Variants in CUX2 observed in about 807,000 individuals in gnomAD.
The protein encoded by CUX2 is homeobox protein cut-like 2.
CUX2 carries 40 observed loss-of-function variants against 144.8 expected under a neutral mutation model. That is an observed-to-expected ratio of 0.28 (90% confidence interval 0.21 to 0.36). CUX2 has a LOEUF of 0.36. CUX2 is among the 10% of genes least tolerant of loss of function. The pLI is 1.00. For missense variants in CUX2, 1,615 were observed against 1,994.0 expected, an observed-to-expected ratio of 0.81 and a Z score of 3.62; for synonymous variants, 827 against 875.6, an observed-to-expected ratio of 0.94 and a Z score of 0.98.
At position 111,320,837 on chromosome 12, in the gene CUX2, G is replaced by A; in HGVS notation, c.2766+62G>A. ...GGAGAAGATGTCGGAGAAGTAGGAT[G>A]CCCACCCAAGCAGGCTGGCGGGACC... On this transcript the variant is annotated intron_variant, in intron 17 of 21. Transcript: ENST00000261726. The surrounding 1 kb of genome is among the most constrained non-coding windows in gnomAD (Gnocchi z 8.1). 7.1e-7 allele frequency: 1 copy of A among 1,405,670 alleles called. No individual in the cohort carries two copies. Among genetic ancestry groups the A allele is most frequent in the Non-Finnish European group, 9.2e-7 (1 of 1,082,506 alleles). The allele number at this position is 1,405,670 out of a possible 1,614,324, so 87.1% of individuals were successfully genotyped here.
rs1436424817 is a variant in CUX2 at position 111,277,974 on chromosome 12, T to C, written c.302-13444T>C. On this transcript the variant is annotated intron_variant, in intron 4 of 21. Transcript: ENST00000261726. The surrounding 1 kb of genome is among the most constrained non-coding windows in gnomAD (Gnocchi z 5.0). ...CTGCAGGGGAGAAGTCATTTCCTTG[T>C]CTTTTCCACCTTCTCGGGCTGGGGC... Among the ~76,000 whole-genome samples, 1 of 152,230 alleles carries C rather than the reference T, an allele frequency of 6.6e-6. No homozygotes were observed. The highest frequency in any genetic ancestry group is 1.5e-5 in the Non-Finnish European group (1 of 68,044).
chr12:111,223,145 G>T (rs1592853977), intron 3 of CUX2, among the ~76,000 whole-genome samples: 1 of 152,268 alleles, frequency 6.6e-6, no homozygotes, highest in Middle Eastern at 3.4e-3. Context: ...CTATGTCCCA[G>T]GCTCTGTGTG....
chr12:111,291,499 G>A lies in CUX2; in HGVS notation c.383G>A (p.Arg128Gln), dbSNP rs752021025. 10 of 1,611,398 alleles carry A rather than the reference G, an allele frequency of 6.2e-6. No homozygotes were observed. The highest frequency in any genetic ancestry group is 1.7e-5 in the Admixed American group (1 of 59,666). The change falls in exon 5 of 22, where the codon CGG becomes CAG. Residue 128 changes from arginine (R) to glutamine (Q), a missense_variant. This residue lies in a region of CUX2 where 295 missense variants were observed against 400.2 expected (regional missense o/e 0.74). Coordinates refer to ENST00000261726, the MANE Select transcript of CUX2 (RefSeq NM_015267.4). The stretch of plus-strand genomic sequence containing the variant: ...AGCTTTGACCCCAGTGGGCAGCCCC[G>A]GCGAGACCTCCACACTTCGTGGAAG... ...PPSFDPSGQPRRDLHTSWKRN... is the reference protein window; with the variant it reads ...PPSFDPSGQPQRDLHTSWKRN...
chr12:111,073,219 C>G (rs1871332837), intron 1 of CUX2, among the ~76,000 whole-genome samples: 1 of 152,092 alleles, frequency 6.6e-6, no homozygotes, highest in Admixed American at 6.5e-5. Context: ...ACCCTGTGCC[C>G]ACTTCTTACA....
At chr12:111,134,600 C>G (rs1442526268) in intron 1 of CUX2, among the ~76,000 whole-genome samples, 1 of 146,072 alleles carries the variant, frequency 6.8e-6, no homozygotes, top group African/African-American at 2.8e-5. Context: ...CTCTTTCTCT[C>G]TCTCTCTCTC....
At chr12:111,254,605 A>G (rs530635267) in intron 3 of CUX2, among the ~76,000 whole-genome samples, 32 of 152,208 alleles carry the variant, frequency 2.1e-4, no homozygotes, top group Non-Finnish European at 3.7e-4. Flanking sequence ...AATGCTCAAA[A>G]CGATTTAATG....
intron 1 of CUX2, among the ~76,000 whole-genome samples, chr12:111,185,378 G>A (rs1879463709): frequency 6.6e-6 from 1 of 152,198 alleles, no homozygotes; most frequent in African/African-American, 2.4e-5. Flanking sequence ...TTTACTGGAG[G>A]GGTGACCTTC....
chr12:111,282,455 C>T (rs1036487731), intron 4 of CUX2, among the ~76,000 whole-genome samples: 2 of 151,632 alleles, frequency 1.3e-5, no homozygotes, highest in Non-Finnish European at 2.9e-5. Flanking sequence ...GGTGAAACCC[C>T]GTCTCTCCTA....
rs564962940 is a variant in CUX2, at chr12:111,255,903, G to A, written c.223-7858G>A. ...TTTCACAGGGACTGTCAGAGTGAGT[G>A]GGAACCCTCAGGATAGTCTAGCCAG... On this transcript the variant is annotated intron_variant, in intron 3 of 21. Transcript: ENST00000261726. The surrounding 1 kb of genome is among the most constrained non-coding windows in gnomAD (Gnocchi z 4.1). Among the ~76,000 whole-genome samples the A allele has an allele frequency of 8.3e-4, 127 of 152,240 alleles. No individual in the cohort carries two copies. Among genetic ancestry groups the A allele is most frequent in the African/African-American group, 2.9e-3 (121 of 41,508 alleles).
At chr12:111,192,172 G>A (rs925513471) in intron 1 of CUX2, among the ~76,000 whole-genome samples, 1 of 152,052 alleles carries the variant, frequency 6.6e-6, no homozygotes, top group Admixed American at 6.5e-5. Context: ...AGTCACCTAG[G>A]TTGGAGTGCA....
chr12:111,198,003 T>C (rs1880346165), intron 1 of CUX2, among the ~76,000 whole-genome samples: 1 of 152,242 alleles, frequency 6.6e-6, no homozygotes, highest in Admixed American at 6.5e-5. Context: ...TTCTTGCTGC[T>C]GTTCTTGATC....
chr12:111,127,432 A>G (rs559506822), intron 1 of CUX2, among the ~76,000 whole-genome samples: 1 of 152,108 alleles, frequency 6.6e-6, no homozygotes, highest in South Asian at 2.1e-4. Flanking sequence ...TCTTACCCCC[A>G]TTGTGGCCTA....
At chr12:111,087,918 C>T (rs1411544185) in intron 1 of CUX2, among the ~76,000 whole-genome samples, 1 of 152,140 alleles carries the variant, frequency 6.6e-6, no homozygotes, top group Non-Finnish European at 1.5e-5. Context: ...CTTCACCAGG[C>T]CAGTGGTTCA....
At chr12:111,225,926 C>T (rs1464178786) in intron 3 of CUX2, among the ~76,000 whole-genome samples, 2 of 152,116 alleles carry the variant, frequency 1.3e-5, no homozygotes, top group African/African-American at 2.4e-5. Flanking sequence ...AAGAAGGCCT[C>T]CCATCCTCTC....
At chr12:111,137,832 C>G (rs1876012304) in intron 1 of CUX2, among the ~76,000 whole-genome samples, 2 of 152,198 alleles carry the variant, frequency 1.3e-5, no homozygotes, top group South Asian at 4.1e-4. Context: ...CCAGAATTTG[C>G]TTAGGGGTGA....
chr12:111,313,949 C>G (rs1887041804), intron 16 of CUX2, among the ~76,000 whole-genome samples: 1 of 152,140 alleles, frequency 6.6e-6, no homozygotes, highest in Non-Finnish European at 1.5e-5. Context: ...GTCTGCTGCC[C>G]CCTGGTGGCT....
At chr12:111,088,318 C>A (rs919182317) in intron 1 of CUX2, among the ~76,000 whole-genome samples, 2 of 152,148 alleles carry the variant, frequency 1.3e-5, no homozygotes, top group Non-Finnish European at 2.9e-5. Flanking sequence ...TTCCAAACTT[C>A]TGACCTCAAG....
At chr12:111,044,606 C>G (rs1468297965) in intron 1 of CUX2, among the ~76,000 whole-genome samples, 2 of 152,256 alleles carry the variant, frequency 1.3e-5, no homozygotes, top group African/African-American at 2.4e-5. Context: ...TCTCCTCACT[C>G]TGCCTCACCT....
chr12:111,344,859 A>G (rs963394606), intron 21 of CUX2, among the ~76,000 whole-genome samples: 1 of 152,310 alleles, frequency 6.6e-6, no homozygotes, highest in South Asian at 2.1e-4. Context: ...TATCAGTGCA[A>G]ATCAGACTAG....
Sources: gnomAD v4.1 joint callset for allele counts (sites outside exome capture counted in the v4.1 genomes callset) on GRCh38, gnomAD v4.1.1 for gene constraint, gnomAD v4.1.1 regional missense constraint, Gnocchi (gnomAD v3.1) non-coding constraint, MANE v1.5 for transcripts, NCBI Gene and HGNC (gene_info 2026-07-23, HGNC 2026-07-21) for gene names.